Variants in ACAD9 observed in about 807,000 individuals in gnomAD.
ACAD9 encodes the protein acyl-CoA dehydrogenase family member 9.
In ACAD9, 53 loss-of-function variants were observed where a neutral mutation model predicts 70.2. The ratio of observed to expected loss-of-function variants is 0.75; its 90% CI spans 0.61 to 0.95. The LOEUF is 0.95. Among genes scored for constraint, ACAD9 ranks in the 40% least tolerant of loss-of-function variants. The pLI is 0.00. For synonymous variants in ACAD9, 313 were observed against 312.1 expected (o/e 1.00, Z -0.03); for missense variants, 777 against 802.8 (o/e 0.97, Z 0.39).
At chr3:128,911,269 G>A (rs994954662) in intron 17 of ACAD9, among the ~76,000 whole-genome samples, 1 of 152,102 alleles carries the variant, frequency 6.6e-6, no homozygotes, top group African/African-American at 2.4e-5. Flanking sequence ...TGTTAGCCAG[G>A]CTGGTCTCCA....
rs140463313 is a variant in ACAD9, at chr3:128,881,828, G to A, written c.150+1987G>A. Among the ~76,000 whole-genome samples, 431 of 152,256 alleles carry A rather than the reference G, an allele frequency of 2.8e-3. 6 individuals are homozygous for A. Among genetic ancestry groups the A allele is most frequent in the African/African-American group, 9.9e-3 (410 of 41,548 alleles). On this transcript the variant is annotated intron_variant, in intron 1 of 17. Coordinates refer to ENST00000308982, the MANE Select transcript of ACAD9 (RefSeq NM_014049.5). ...TGTGTCCATTGCTGGTTCTTATTCAGCTCCTTGACCGCTAAACAGTGACCA... is the reference window on the plus strand; with the variant it reads ...TGTGTCCATTGCTGGTTCTTATTCAACTCCTTGACCGCTAAACAGTGACCA...
chr3:128,907,292 G>C (rs1208995049), intron 12 of ACAD9, among the ~76,000 whole-genome samples: 1 of 152,174 alleles, frequency 6.6e-6, no homozygotes, highest in African/African-American at 2.4e-5. Flanking sequence ...CACTGTTGCA[G>C]TGGACATACG....
At chr3:128,880,628 C>T (rs999554897) in intron 1 of ACAD9, among the ~76,000 whole-genome samples, 1 of 151,840 alleles carries the variant, frequency 6.6e-6, no homozygotes, top group Non-Finnish European at 1.5e-5. Flanking sequence ...CTCGGGTGAT[C>T]CGCCCACCTC....
At chr3:128,895,187 T>C (rs1365635552) in intron 3 of ACAD9, 123 bp from the exon 4 acceptor site, 1 of 508,964 alleles carries the variant, frequency 2.0e-6, no homozygotes, top group Non-Finnish European at 3.4e-6. Flanking sequence ...TGTATTGTGA[T>C]TTTTTTTTTT....
rs780260013 is a variant in ACAD9 at position 128,912,791 on chromosome 3, GCTCT to G, written c.*187_*190del. The G allele has an allele frequency of 8.1e-6, 6 of 737,714 alleles. No homozygotes were observed. The highest frequency in any genetic ancestry group is 1.7e-5 in the Admixed American group (1 of 57,952). The allele number at this position is 737,714 out of a possible 1,614,324, so 45.7% of individuals were successfully genotyped here. ...TTCCAGGTTTTGACCTGCAGGCAGT[GCTCT>G]CTAACAGGACCATCACAGCTTCTGA... On this transcript the variant is annotated 3_prime_UTR_variant, in exon 18 of 18. Coordinates refer to ENST00000308982, the MANE Select transcript of ACAD9 (RefSeq NM_014049.5).
At chr3:128,887,649 ATATATATAT>A in intron 2 of ACAD9, among the ~76,000 whole-genome samples, 1 of 142,700 alleles carries the variant, frequency 7.0e-6, no homozygotes, top group South Asian at 2.1e-4. Flanking sequence ...AAATAAATAT[ATATATATAT>A]ATATATATAT....
chr3:128,904,188 G>A (rs1935822942), intron 10 of ACAD9, 56 bp downstream of exon 10: 1 of 1,599,128 alleles, frequency 6.3e-7, no homozygotes, highest in Non-Finnish European at 8.6e-7. Flanking sequence ...TGAACGGTGT[G>A]TTCTTTTGAT....
At position 128,879,628 on chromosome 3, in the gene ACAD9, TG is replaced by T. The variant is rs1420255375; in HGVS notation, c.-63del. The T allele has an allele frequency of 7.9e-6, 6 of 760,476 alleles. No homozygotes were observed. Among genetic ancestry groups the T allele is most frequent in the Non-Finnish European group, 1.0e-5 (6 of 589,650 alleles). 47.1% of individuals were successfully genotyped at this position (760,476 alleles called of 1,614,324 possible). On this transcript the variant is annotated 5_prime_UTR_variant, in exon 1 of 18. Transcript: ENST00000308982. ...CGCGGGCCAGTAACGTCATCAGACG[TG>T]TGTGTGTCCCTGCGGCGCTAAGAAG... is the stretch of plus-strand genomic sequence containing the variant.
intron 1 of ACAD9, among the ~76,000 whole-genome samples, chr3:128,880,868 C>T (rs967175594): frequency 2.6e-5 from 4 of 152,200 alleles, no homozygotes; most frequent in African/African-American, 4.8e-5. Context: ...GACGGCTGCA[C>T]CTCCCTGTGC....
chr3:128,901,202 G>A, intron 7 of ACAD9, 74 bp from the exon 8 acceptor site: 1 of 1,342,878 alleles, frequency 7.4e-7, no homozygotes, highest in Non-Finnish European at 1.1e-6. Context: ...ATGGATGGAT[G>A]AATTGCCTGC....
chr3:128,888,022 A>C (rs1405947114), intron 2 of ACAD9, among the ~76,000 whole-genome samples: 1 of 152,198 alleles, frequency 6.6e-6, no homozygotes, highest in Admixed American at 6.5e-5. Context: ...ACCCTTCCCC[A>C]AAAGTAATGG....
Position 128,898,335 on chromosome 3 carries a change from GTTT to G in ACAD9, c.633+631_633+633del. 3 of 425,780 alleles carry G rather than the reference GTTT, an allele frequency of 7.0e-6. 1 individual carries two copies. Among genetic ancestry groups the G allele is most frequent in the South Asian group, 5.1e-5 (3 of 58,952 alleles). 26.4% of individuals were successfully genotyped at this position (425,780 alleles called of 1,614,324 possible). A position where few individuals can be genotyped will look rare whatever the true frequency, so the allele number is the denominator to read the frequency against. On this transcript the variant is annotated intron_variant, in intron 6 of 17. Transcript: ENST00000308982. ...CAGCATGCCTCTCTAAAAGACAGGA[GTTT>G]TTTTTGTTTGTTTTTGTTTTTTAAT...
rs1466143832 is a variant in ACAD9 at position 128,899,342 on chromosome 3, A to G, written c.689A>G (p.Glu230Gly). The G allele has an allele frequency of 6.2e-7, 1 of 1,614,274 alleles. No individual in the cohort carries two copies. Among genetic ancestry groups the G allele is most frequent in the Non-Finnish European group, 8.5e-7 (1 of 1,180,052 alleles). Residue 230 changes from glutamate to glycine, a missense_variant, in exon 7 of 18, where the codon GAG (glutamate) becomes GGG (glycine). Transcript: ENST00000308982. ...ATTTTTACTGTGTTTGCAAAGACTG[A>G]GGTCGTTGATTCTGATGGATCAGTG... ...ANIFTVFAKT[E>G]VVDSDGSVKD...
Position 128,902,526 on chromosome 3 carries a change from C to T in ACAD9, c.883-27C>T. Reference sequence around the variant, plus strand: ...TCCTCCCTCTGCCTCCTTCAGGGCCCCTGGGCTCTCCCTGTTCTCCCTGCA... The same window carrying T: ...TCCTCCCTCTGCCTCCTTCAGGGCCTCTGGGCTCTCCCTGTTCTCCCTGCA... On this transcript the variant is annotated intron_variant, in intron 8 of 17. Transcript: ENST00000308982. The surrounding 1 kb of genome is among the most constrained non-coding windows in gnomAD (Gnocchi z 4.0). 6.2e-7 allele frequency: 1 copy of T among 1,613,924 alleles called. No homozygotes were observed. The highest frequency in any genetic ancestry group is 8.5e-7 in the Non-Finnish European group (1 of 1,179,764).
intron 1 of ACAD9, among the ~76,000 whole-genome samples, chr3:128,883,738 C>G (rs2107640469): frequency 6.6e-6 from 1 of 152,078 alleles, no homozygotes; most frequent in South Asian, 2.1e-4. Context: ...TTGGCTGTCA[C>G]TTTTAGTTAG....
At chr3:128,898,807 T>C (rs1260173635) in intron 6 of ACAD9, among the ~76,000 whole-genome samples, 1 of 152,228 alleles carries the variant, frequency 6.6e-6, no homozygotes, top group Non-Finnish European at 1.5e-5. Flanking sequence ...CATCTGTTGC[T>C]GTTTGTTAAG....
At chr3:128,881,966 G>C (rs556871463) in intron 1 of ACAD9, among the ~76,000 whole-genome samples, 57 of 152,220 alleles carry the variant, frequency 3.7e-4, no homozygotes, top group Admixed American at 3.1e-3. Context: ...TCAATATCCT[G>C]ATGCCTCAAG....
chr3:128,879,949 A>T (rs1935037974), intron 1 of ACAD9, 108 bp downstream of exon 1: 1 of 1,584,456 alleles, frequency 6.3e-7, no homozygotes. Context: ...CCAGAGAGAT[A>T]CACCCTGCGG....
At chr3:128,882,154 A>G (rs948076472) in intron 1 of ACAD9, among the ~76,000 whole-genome samples, 1 of 152,154 alleles carries the variant, frequency 6.6e-6, no homozygotes, top group Non-Finnish European at 1.5e-5. Context: ...AGCTGGGACT[A>G]CAGGCACGCC....
Sources: allele counts gnomAD v4.1 joint callset (sites outside exome capture counted in the v4.1 genomes callset), GRCh38; gene constraint gnomAD v4.1.1; non-coding constraint Gnocchi (gnomAD v3.1); transcripts MANE v1.5; gene names NCBI Gene and HGNC (gene_info 2026-07-23, HGNC 2026-07-21).